Variants in PRKCQ observed in about 807,000 individuals in gnomAD.
PRKCQ encodes protein kinase C theta, also known as protein kinase C theta type.
Under a neutral mutation model 91.2 loss-of-function variants are expected in PRKCQ, and 41 were observed. The observed-to-expected ratio is 0.45, with a 90% CI of 0.35 to 0.58. PRKCQ has a LOEUF of 0.58. PRKCQ is among the 20% of genes least tolerant of loss of function. The probability of loss-of-function intolerance (pLI) is 0.00; values close to 1 mark genes in which losing one functional copy is unlikely to be tolerated. For synonymous variants in PRKCQ, 307 were observed against 316.9 expected (o/e 0.97, Z 0.33); for missense variants, 673 against 896.5 (o/e 0.75, Z 3.18).
intron 1 of PRKCQ, among the ~76,000 whole-genome samples, chr10:6,553,136 T>G (rs906964765): frequency 6.6e-6 from 1 of 152,018 alleles, no homozygotes; most frequent in African/African-American, 2.4e-5. Flanking sequence ...AAAGGAAAAA[T>G]AGACCTCAGT....
chr10:6,570,204 T>C (rs752193313), intron 1 of PRKCQ, among the ~76,000 whole-genome samples: 5 of 151,568 alleles, frequency 3.3e-5, no homozygotes, highest in Non-Finnish European at 7.4e-5. Flanking sequence ...AGAGTGCGGG[T>C]GATCATTTCT....
the PRKCQ span, among the ~76,000 whole-genome samples, chr10:6,394,296 C>A: frequency 6.6e-6 from 1 of 152,174 alleles, no homozygotes; most frequent in East Asian, 1.9e-4. Flanking sequence ...TCTCCAGAGA[C>A]AGGACACCTG....
chr10:6,428,409 A>ATTAAG, intron 17 of PRKCQ, 47 bp from the exon 18 acceptor site: 1 of 1,586,996 alleles, frequency 6.3e-7, no homozygotes, highest in South Asian at 1.1e-5. Context: ...AAAATCAGCC[A>ATTAAG]TTAAGTTCAT....
At chr10:6,542,755 G>C (rs1202109978) in intron 1 of PRKCQ, among the ~76,000 whole-genome samples, 1 of 152,114 alleles carries the variant, frequency 6.6e-6, no homozygotes, top group Non-Finnish European at 1.5e-5. Context: ...GAGGTCTCTT[G>C]CCTGCTTTGT....
chr10:6,533,832 C>T (rs140257218), intron 1 of PRKCQ, among the ~76,000 whole-genome samples: 64 of 152,256 alleles, frequency 4.2e-4, no homozygotes, highest in Non-Finnish European at 8.4e-4. Flanking sequence ...CTAAAACCTA[C>T]ATTAAAGCTA....
In PRKCQ at chr10:6,483,496, G is replaced by C; in HGVS notation, c.1123C>G (p.Leu375Val). ...TGCAAGATAAAATCCTCAATTTTTA[G>C]TTTAATCTGCAGAGATGGTCTTTCT... is the stretch of plus-strand genomic sequence containing the variant. ...NKERPSLQIKLKIEDFILHKM... is the reference protein window; with the variant it reads ...NKERPSLQIKVKIEDFILHKM... The change falls in exon 11 of 18, where the codon CTA becomes GTA. Residue 375 changes from leucine to valine, a missense_variant. Coordinates refer to ENST00000263125, the MANE Select transcript of PRKCQ (RefSeq NM_006257.5). The C allele has an allele frequency of 6.2e-7, 1 of 1,614,188 alleles. No individual in the cohort carries two copies. The highest frequency in any genetic ancestry group is 8.5e-7 in the Non-Finnish European group (1 of 1,180,032).
At chr10:6,473,545 C>T (rs1048546404) in intron 12 of PRKCQ, among the ~76,000 whole-genome samples, 7 of 152,158 alleles carry the variant, frequency 4.6e-5, no homozygotes, top group African/African-American at 9.7e-5. Flanking sequence ...CGCCAGAGGA[C>T]GTTAAAGAAA....
intron 1 of PRKCQ, among the ~76,000 whole-genome samples, chr10:6,537,987 G>GC (rs1839647212): frequency 6.6e-6 from 1 of 152,190 alleles, no homozygotes; most frequent in Non-Finnish European, 1.5e-5. Flanking sequence ...AGAACATCTG[G>GC]CCTCCTGCAA....
chr10:6,544,626 C>CT (rs542982533), intron 1 of PRKCQ, among the ~76,000 whole-genome samples: 4,871 of 141,484 alleles, frequency 0.034, 108 homozygotes, highest in African/African-American at 0.052. Flanking sequence ...ACCCCACACT[C>CT]TTTTTTTTTT....
chr10:6,482,499 A>G (rs1836659233), intron 11 of PRKCQ, among the ~76,000 whole-genome samples: 2 of 152,146 alleles, frequency 1.3e-5, no homozygotes, highest in Non-Finnish European at 2.9e-5. Flanking sequence ...AGAGAGGGCG[A>G]CCATTGCAAA....
In PRKCQ at chr10:6,576,210, A is replaced by C. The variant is rs1193214015; in HGVS notation, c.-10+4001T>G. ...ACCCCACAATTCTACTGCTGGGTAC[A>C]TACCCCAAAGAATTGAAAGCAGGAC... On this transcript the variant is annotated intron_variant, in intron 1 of 17. Coordinates refer to ENST00000263125, the MANE Select transcript of PRKCQ (RefSeq NM_006257.5). This position sits in a 1 kb window ranked among gnomAD's most constrained non-coding sequence, Gnocchi z 4.2. Among the ~76,000 whole-genome samples the C allele has an allele frequency of 6.6e-6, 1 of 152,246 alleles. No homozygotes were observed. The highest frequency in any genetic ancestry group is 1.5e-5 in the Non-Finnish European group (1 of 68,044).
At position 6,430,895 on chromosome 10, in the gene PRKCQ, T is replaced by C; in HGVS notation, c.1880A>G (p.Asp627Gly). Residue 627 changes from aspartate to glycine, a missense_variant, in exon 17 of 18, where the codon GAC becomes GGC. Transcript: ENST00000263125. This position sits in a 1 kb window ranked among gnomAD's most constrained non-coding sequence, Gnocchi z 4.7. ...CCGAAACAAAGGGTGCTGGCGGATG[T>C]CTCCCCTCACGCCCAGCCTCTTCTC... ...EPEKRLGVRG[D>G]IRQHPLFREI... 6.2e-7 allele frequency: 1 copy of C among 1,614,128 alleles called. No individual in the cohort carries two copies. The highest frequency in any genetic ancestry group is 8.5e-7 in the Non-Finnish European group (1 of 1,180,022).
At chr10:6,489,593 A>G (rs1837159336) in intron 8 of PRKCQ, 1 of 419,886 alleles carries the variant, frequency 2.4e-6, no homozygotes, top group Non-Finnish European at 4.9e-6. Flanking sequence ...GGGCGAGAAG[A>G]GTCGAGAAAG....
chr10:6,459,952 G>GTTAA (rs1564316401), intron 14 of PRKCQ, among the ~76,000 whole-genome samples: 3 of 152,212 alleles, frequency 2.0e-5, no homozygotes, highest in African/African-American at 7.2e-5. Flanking sequence ...GAATCCTTTT[G>GTTAA]TTAATTCAGT....
intron 16 of PRKCQ, among the ~76,000 whole-genome samples, chr10:6,440,394 G>T (rs1833911231): frequency 6.6e-6 from 1 of 152,208 alleles, no homozygotes; most frequent in South Asian, 2.1e-4. Context: ...CATCTGCAAG[G>T]ATAAGTATTT....
chr10:6,409,422 G>A, the PRKCQ span, among the ~76,000 whole-genome samples: 1 of 152,176 alleles, frequency 6.6e-6, no homozygotes, highest in Non-Finnish European at 1.5e-5. Flanking sequence ...AGCCTCCTGA[G>A]TAGCTGGGAT....
At chr10:6,396,416 G>A in the PRKCQ span, among the ~76,000 whole-genome samples, 40 of 152,288 alleles carry the variant, frequency 2.6e-4, no homozygotes, top group Admixed American at 1.8e-3. Context: ...AAGAGCCTCC[G>A]TACCCATAGA....
chr10:6,523,562 A>G (rs1839095385), intron 1 of PRKCQ, among the ~76,000 whole-genome samples: 1 of 152,218 alleles, frequency 6.6e-6, no homozygotes, highest in Admixed American at 6.5e-5. Flanking sequence ...AGTCAGAACT[A>G]GAGATGAAGG....
At chr10:6,402,550 G>C in the PRKCQ span, among the ~76,000 whole-genome samples, 3 of 152,140 alleles carry the variant, frequency 2.0e-5, no homozygotes, top group Non-Finnish European at 4.4e-5. Flanking sequence ...AAGAAGCAAA[G>C]GGGACTTAAC....
Sources: gnomAD v4.1 joint callset for allele counts (sites outside exome capture counted in the v4.1 genomes callset) on GRCh38, gnomAD v4.1.1 for gene constraint, Gnocchi (gnomAD v3.1) non-coding constraint, MANE v1.5 for transcripts, NCBI Gene and HGNC (gene_info 2026-07-23, HGNC 2026-07-21) for gene names.